SHOC1: variants seen among roughly 807,000 people sequenced by gnomAD.
SHOC1 encodes the protein shortage in chiasmata 1, also known as protein shortage in chiasmata 1 ortholog.
Under a neutral mutation model 179.2 loss-of-function variants are expected in SHOC1, and 136 were observed. The observed-to-expected ratio is 0.76, with a 90% confidence interval of 0.66 to 0.87. The LOEUF (loss-of-function observed/expected upper bound fraction) is 0.87. Ranked by LOEUF, SHOC1 falls within the 40% of genes least tolerant of loss-of-function variation. The pLI, the probability that SHOC1 is intolerant of heterozygous loss-of-function variation, is 0.00. For synonymous variants in SHOC1, 489 were observed against 586.6 expected (o/e 0.83, Z 2.41); for missense variants, 1,538 against 1,700.8 (o/e 0.90, Z 1.68).
At chr9:111,759,069 A>C in intron 5 of SHOC1, 1 of 1,385,826 alleles carries the variant, frequency 7.2e-7, no homozygotes, top group Non-Finnish European at 9.8e-7. Context: ...GACACCGAGG[A>C]ATAGCCAAAT....
chr9:111,734,272 AAT>A (rs1024521316), intron 12 of SHOC1, among the ~76,000 whole-genome samples: 6 of 152,224 alleles, frequency 3.9e-5, no homozygotes, highest in Non-Finnish European at 8.8e-5. Context: ...ATCAAATATG[AAT>A]ATGTTTTATT....
intron 8 of SHOC1, among the ~76,000 whole-genome samples, chr9:111,751,246 C>G (rs1046255441): frequency 6.6e-6 from 1 of 152,130 alleles, no homozygotes; most frequent in Non-Finnish European, 1.5e-5. Flanking sequence ...GTTACTGGAG[C>G]CTTGTAGCAT....
chr9:111,770,419 A>G (rs1361698700), intron 5 of SHOC1, among the ~76,000 whole-genome samples: 1 of 152,108 alleles, frequency 6.6e-6, no homozygotes, highest in Non-Finnish European at 1.5e-5. Flanking sequence ...ATTTTTTCAG[A>G]TATATTTTGT....
At chr9:111,775,660 C>G (rs1589467844) in intron 5 of SHOC1, 131 bp downstream of exon 5, 1 of 644,958 alleles carries the variant, frequency 1.6e-6, no homozygotes, top group Non-Finnish European at 2.5e-6. Context: ...CCTAATGTGG[C>G]AAAGCTTAGA....
intron 1 of SHOC1, among the ~76,000 whole-genome samples, chr9:111,793,105 A>T (rs1408985898): frequency 6.6e-6 from 1 of 151,912 alleles, no homozygotes; most frequent in Non-Finnish European, 1.5e-5. Context: ...GATGGTCTCG[A>T]TCTCCTGACC....
chr9:111,717,453 C>A lies in SHOC1; in HGVS notation c.2236+731G>T, dbSNP rs75338897. Among the ~76,000 whole-genome samples, 60 of 152,114 alleles carry A rather than the reference C, an allele frequency of 3.9e-4. 3 individuals carry two copies. The East Asian group carries it at 0.01, about 26-fold the overall frequency. Reference sequence around the variant, plus strand: ...TACTAAAAATACAAAATTAGCCAGGCATGGTGGCGGGCGCCTGTAATTCCA... The same window carrying A: ...TACTAAAAATACAAAATTAGCCAGGAATGGTGGCGGGCGCCTGTAATTCCA... On this transcript the variant is annotated intron_variant, in intron 16 of 27. Transcript: ENST00000682961.
chr9:111,724,444 A>G (rs985487548), intron 13 of SHOC1, among the ~76,000 whole-genome samples: 9 of 152,002 alleles, frequency 5.9e-5, no homozygotes, highest in Admixed American at 1.3e-4. Context: ...GGCTCAAGCA[A>G]TCCTCCCACC....
intron 18 of SHOC1, among the ~76,000 whole-genome samples, chr9:111,709,197 C>T (rs1332638210): frequency 2.0e-5 from 3 of 152,182 alleles, no homozygotes; most frequent in Non-Finnish European, 4.4e-5. Flanking sequence ...ACAAAATTAG[C>T]TGGGCATGGT....
At chr9:111,781,699 G>T (rs933328652) in intron 3 of SHOC1, among the ~76,000 whole-genome samples, 1 of 143,208 alleles carries the variant, frequency 7.0e-6, no homozygotes, top group African/African-American at 2.7e-5. Flanking sequence ...CTCCAGCCTG[G>T]GCACCTGGGT....
intron 5 of SHOC1, among the ~76,000 whole-genome samples, chr9:111,761,469 T>A (rs1835133382): frequency 6.6e-6 from 1 of 152,062 alleles, no homozygotes; most frequent in Non-Finnish European, 1.5e-5. Flanking sequence ...ACCACTGCAC[T>A]CCAGCCTGGG....
chr9:111,774,741 T>G (rs1239749456), intron 5 of SHOC1, among the ~76,000 whole-genome samples: 1 of 152,140 alleles, frequency 6.6e-6, no homozygotes, highest in Admixed American at 6.6e-5. Context: ...TGCTAAAAAT[T>G]TTATACATAA....
chr9:111,701,497 C>T (rs1233761775), intron 23 of SHOC1, among the ~76,000 whole-genome samples: 2 of 152,046 alleles, frequency 1.3e-5, no homozygotes, highest in African/African-American at 4.8e-5. Context: ...CATAGGTAGA[C>T]AGTAATCTAA....
At position 111,699,979 on chromosome 9, in the gene SHOC1, A is replaced by G. The variant is rs1446116912; in HGVS notation, c.3158T>C (p.Leu1053Pro). ...LIYAALVSFG[L>P]NSEELDVKLI... The stretch of plus-strand genomic sequence containing the variant: ...CTTTACATCCAGTTCTTCAGAGTTT[A>G]GCCCAAATGAAACCAAAGCTGCATA... Residue 1053 changes from leucine (L) to proline (P), a missense_variant, in exon 24 of 28, where the codon CTA becomes CCA. By Grantham distance (98) the Leu-to-Pro change is moderately conservative. Transcript: ENST00000682961. 1.2e-6 allele frequency: 2 copies of G among 1,608,346 alleles called. No homozygotes were observed. The highest frequency in any genetic ancestry group is 1.7e-5 in the Admixed American group (1 of 59,746).
chr9:111,713,236 G>A, intron 17 of SHOC1, 64 bp from the exon 18 acceptor site: 1 of 836,508 alleles, frequency 1.2e-6, no homozygotes, highest in East Asian at 2.8e-5. Context: ...TTTTGATACA[G>A]TGACAAAATA....
rs1413679385 is a variant in SHOC1, at chr9:111,775,905, C to T, written c.328G>A (p.Asp110Asn). ...ACCTCCTCTACTTCAATTTGGGAGT[C>T]TGGATTTGAACTTGGAACAACTTCC... ...FEEVVPSSNPDSQIEVEEVSL... is the reference protein window; with the variant it reads ...FEEVVPSSNPNSQIEVEEVSL... Residue 110 changes from aspartate to asparagine, a missense_variant, in exon 5 of 28, where the codon GAC (aspartate) becomes AAC (asparagine). Transcript: ENST00000682961. 6.2e-7 allele frequency: 1 copy of T among 1,613,760 alleles called. No individual in the cohort carries two copies.
intron 22 of SHOC1, 49 bp downstream of exon 22, chr9:111,703,832 C>A (rs1038196344): frequency 4.6e-6 from 4 of 864,492 alleles, no homozygotes; most frequent in Non-Finnish European, 7.4e-6. Flanking sequence ...AATTACATAG[C>A]CATATATTTT....
rs1833455806 is a variant in SHOC1 at position 111,729,228 on chromosome 9, A to C, written c.1418-1179T>G. On this transcript the variant is annotated intron_variant, in intron 12 of 27. Coordinates refer to ENST00000682961, the MANE Select transcript of SHOC1 (RefSeq NM_001378211.1). ...ACTCCTGGGCCCAAGCAGTCCTCCC[A>C]CCAGCTGAGACTACAGGTGCGTACC... 1.3e-5 allele frequency among the ~76,000 whole-genome samples: 2 copies of C among 151,954 alleles called. 1 individual carries two copies. Among genetic ancestry groups the C allele is most frequent in the African/African-American group, 4.8e-5 (2 of 41,376 alleles).
At chr9:111,787,636 C>T (rs1391807376) in intron 2 of SHOC1, among the ~76,000 whole-genome samples, 1 of 152,134 alleles carries the variant, frequency 6.6e-6, no homozygotes, top group Non-Finnish European at 1.5e-5. Flanking sequence ...GGAATCTGCT[C>T]CTGGTGAAGA....
Position 111,691,963 on chromosome 9 carries a change from T to A in SHOC1, c.4014A>T (p.Ile1338=), listed in dbSNP as rs780509523. ...AGATAGGGTCCGATACATCTTTATT[T>A]ATGAAACCTTTTGCTTCATGTGTTC... ...KRRTHEAKGF[I]NKDVSDPIFS... The change falls in exon 27 of 28, where the codon ATA becomes ATT. Residue 1338 remains isoleucine (I), a synonymous_variant. Transcript: ENST00000682961. The A allele has an allele frequency of 1.9e-6, 3 of 1,613,602 alleles. No homozygotes were observed. The African/African-American group carries it at 4.0e-5, about 22-fold the overall frequency.
Sources: gnomAD v4.1 joint callset for allele counts (sites outside exome capture counted in the v4.1 genomes callset) on GRCh38, gnomAD v4.1.1 for gene constraint, MANE v1.5 for transcripts, NCBI Gene and HGNC (gene_info 2026-07-23, HGNC 2026-07-21) for gene names.